ZFHX3: variants seen among roughly 807,000 people sequenced by gnomAD.
ZFHX3 encodes zinc finger homeobox 3.
Under a neutral mutation model 279.1 loss-of-function variants are expected in ZFHX3, and 42 were observed. The observed-to-expected ratio is 0.15, with a 90% CI of 0.12 to 0.19. ZFHX3 has a LOEUF of 0.19. Among genes scored for constraint, ZFHX3 ranks in the 10% least tolerant of loss-of-function variants. ZFHX3 has a pLI of 1.00. For synonymous variants in ZFHX3, 2,293 were observed against 1,957.8 expected, an observed-to-expected ratio of 1.17 and a Z score of -4.52; for missense variants, 4,981 against 4,754.0, an observed-to-expected ratio of 1.05 and a Z score of -1.40.
chr16:73,425,575 G>T (rs1203684617), intron 3 of ZFHX3, among the ~76,000 whole-genome samples: 2 of 152,098 alleles, frequency 1.3e-5, no homozygotes, highest in Admixed American at 1.3e-4. Context: ...TTATAGCCAG[G>T]AGTTAATGGG....
At chr16:73,129,303 G>A (rs529369835) in intron 7 of ZFHX3, among the ~76,000 whole-genome samples, 7 of 151,836 alleles carry the variant, frequency 4.6e-5, no homozygotes, top group African/African-American at 1.4e-4. Flanking sequence ...CATGAGAATC[G>A]CTTGAGCCTG....
chr16:73,699,943 G>C (rs1040172765), intron 1 of ZFHX3, among the ~76,000 whole-genome samples: 2 of 152,136 alleles, frequency 1.3e-5, no homozygotes, highest in African/African-American at 4.8e-5. Flanking sequence ...AGCATTCCTG[G>C]CTGGGTGCAG....
At chr16:73,069,835 T>C (rs1200920353) in intron 8 of ZFHX3, among the ~76,000 whole-genome samples, 1 of 152,244 alleles carries the variant, frequency 6.6e-6, no homozygotes, top group Admixed American at 6.5e-5. Flanking sequence ...TGGTATATCC[T>C]GTCAATCCAA....
intron 1 of ZFHX3, among the ~76,000 whole-genome samples, chr16:73,854,244 G>C (rs542303492): frequency 6.6e-6 from 1 of 152,124 alleles, no homozygotes; most frequent in Non-Finnish European, 1.5e-5. Context: ...AGTACACATC[G>C]GCTGGGCACA....
intron 4 of ZFHX3, among the ~76,000 whole-genome samples, chr16:73,305,836 T>G (rs998120265): frequency 6.6e-6 from 1 of 152,186 alleles, no homozygotes; most frequent in African/African-American, 2.4e-5. Context: ...CCACTTCCTC[T>G]TTGGAGAGGG....
chr16:73,748,473 C>T (rs941728770), intron 1 of ZFHX3, among the ~76,000 whole-genome samples: 1 of 152,164 alleles, frequency 6.6e-6, no homozygotes, highest in Non-Finnish European at 1.5e-5. Flanking sequence ...CATTCATTGA[C>T]ATTCTCCAAA....
At chr16:72,814,398 A>G (rs1369285489) in intron 5 of ZFHX3, among the ~76,000 whole-genome samples, 1 of 152,170 alleles carries the variant, frequency 6.6e-6, no homozygotes, top group Non-Finnish European at 1.5e-5. Flanking sequence ...ATGAATGGGC[A>G]CCGAGGCTGA....
At chr16:73,242,512 T>A (rs2013153460) in intron 5 of ZFHX3, among the ~76,000 whole-genome samples, 1 of 152,210 alleles carries the variant, frequency 6.6e-6, no homozygotes, top group Admixed American at 6.5e-5. Context: ...TAAAAATAGC[T>A]ATGAACAGAT....
intron 8 of ZFHX3, among the ~76,000 whole-genome samples, chr16:73,077,924 C>T (rs1440908207): frequency 1.3e-5 from 2 of 152,164 alleles, no homozygotes; most frequent in Non-Finnish European, 2.9e-5. Context: ...CCTGCCTCAG[C>T]CTCCCGAGGA....
intron 7 of ZFHX3, among the ~76,000 whole-genome samples, chr16:72,803,964 T>TC (rs1439537069): frequency 1.3e-5 from 2 of 152,286 alleles, no homozygotes; most frequent in South Asian, 2.1e-4. Flanking sequence ...CCTCCCAGAG[T>TC]ACATGTACAT....
chr16:73,323,718 A>G (rs8182154), intron 3 of ZFHX3, among the ~76,000 whole-genome samples: 60,856 of 151,544 alleles, frequency 0.4, 13,944 homozygotes, highest in Non-Finnish European at 0.53. Flanking sequence ...GAAAGTCAGG[A>G]AAAGGGAGGA....
rs189359424 is a variant in ZFHX3, at chr16:73,236,336, G to A, written c.-1104+20711C>T. Among the ~76,000 whole-genome samples the A allele has an allele frequency of 1.5e-3, 232 of 152,258 alleles. 2 individuals are homozygous for A. Among genetic ancestry groups the A allele is most frequent in the African/African-American group, 5.3e-3 (222 of 41,538 alleles). ...TCTCTGGCTGGGCGCAGTGGCTCACGCCTGTAATCCCAGCCCTTTGCAAGG... is the reference window on the plus strand; with the variant it reads ...TCTCTGGCTGGGCGCAGTGGCTCACACCTGTAATCCCAGCCCTTTGCAAGG... On this transcript the variant is annotated intron_variant, in intron 5 of 17. Transcript: ENST00000641206.
chr16:73,704,960 C>T (rs948254212), intron 1 of ZFHX3, among the ~76,000 whole-genome samples: 4 of 152,122 alleles, frequency 2.6e-5, no homozygotes, highest in African/African-American at 9.7e-5. Flanking sequence ...GTAGCATTTG[C>T]CAATGACCAT....
chr16:73,817,802 T>A (rs1436111799), intron 1 of ZFHX3, among the ~76,000 whole-genome samples: 1 of 152,170 alleles, frequency 6.6e-6, no homozygotes, highest in Non-Finnish European at 1.5e-5. Flanking sequence ...TTAGTTCACC[T>A]CGCTCTTACT....
chr16:73,023,373 G>A (rs576145490), intron 1 of ZFHX3, among the ~76,000 whole-genome samples: 9 of 152,306 alleles, frequency 5.9e-5, no homozygotes, highest in African/African-American at 1.9e-4. Context: ...CCCCCCTTAG[G>A]AGCCTGCTGT....
At chr16:73,486,672 T>C (rs2018978678) in intron 2 of ZFHX3, 1 of 403,570 alleles carries the variant, frequency 2.5e-6, no homozygotes, top group South Asian at 1.8e-5. Flanking sequence ...AGAGGTGTGA[T>C]GCAGTTTTTA....
In ZFHX3 at chr16:73,473,352, A is replaced by AC. The variant is rs1226949640; in HGVS notation, c.-1546-17095_-1546-17094insG. Among the ~76,000 whole-genome samples the AC allele has an allele frequency of 1.8e-4, 9 of 49,078 alleles. No individual in the cohort carries two copies. The East Asian group carries it at 0.021, about 116-fold the overall frequency. 32.2% of individuals were successfully genotyped at this position (49,078 alleles called of 152,430 possible). On this transcript the variant is annotated intron_variant, in intron 2 of 17. Coordinates refer to the ZFHX3 transcript ENST00000641206. ...ACTGTCTCAAAGCAAAAAAAAAAAA[A>AC]AAAAACAAAAAAAAAAAAAACAAAA...
At chr16:73,831,777 G>A (rs767808316) in intron 1 of ZFHX3, among the ~76,000 whole-genome samples, 1 of 152,224 alleles carries the variant, frequency 6.6e-6, no homozygotes, top group Non-Finnish European at 1.5e-5. Context: ...GATGGGCAAG[G>A]GAAGGGGCGG....
intron 3 of ZFHX3, among the ~76,000 whole-genome samples, chr16:73,421,995 G>A (rs114091720): frequency 8.7e-4 from 132 of 152,194 alleles, no homozygotes; most frequent in African/African-American, 2.8e-3. Flanking sequence ...ATAAGACCTG[G>A]CACCTGCTTG....
Sources: allele counts gnomAD v4.1 joint callset (sites outside exome capture counted in the v4.1 genomes callset), GRCh38; gene constraint gnomAD v4.1.1; transcripts MANE v1.5; gene names NCBI Gene and HGNC (gene_info 2026-07-23, HGNC 2026-07-21).